The following SYNM variants were observed in gnomAD, a reference collection of about 807,000 sequenced individuals.
SYNM encodes synemin, also known as desmuslin.
SYNM carries 95 observed loss-of-function variants against 104.0 expected under a neutral mutation model. The ratio of observed to expected loss-of-function variants is 0.91; its 90% CI spans 0.77 to 1.08. SYNM has a LOEUF of 1.08. Among genes scored for constraint, SYNM ranks in the 50% least tolerant of loss-of-function variants. SYNM has a pLI of 0.00. For synonymous variants in SYNM, 918 were observed against 869.0 expected, an observed-to-expected ratio of 1.06 and a Z score of -0.99; for missense variants, 2,150 against 2,052.2, an observed-to-expected ratio of 1.05 and a Z score of -0.92.
chr15:99,136,667 G>A (rs551242840), downstream of SYNM: 6 of 152,422 alleles, frequency 3.9e-5, no homozygotes, highest in South Asian at 4.1e-4. Context: ...TTGGGGATTA[G>A]GGCTTCAACG....
intron 3 of SYNM, chr15:99,128,857 CTTG>C (rs2067471173): frequency 6.5e-6 from 1 of 154,870 alleles, no homozygotes; most frequent in Non-Finnish European, 1.4e-5. Flanking sequence ...TTCTTTAATA[CTTG>C]TTGGCCCAAT....
chr15:99,105,843 G>A lies in SYNM; in HGVS notation c.644G>A (p.Arg215His), dbSNP rs1555482617. ...EVRELEEALR[R>H]GQESRLQAEE... The stretch of plus-strand genomic sequence containing the variant: ...CGCGAGCTGGAGGAGGCGCTGCGGC[G>A]CGGCCAGGAGAGCAGACTCCAGGCG... The change falls in exon 1 of 4, where the codon CGC (arginine) becomes CAC (histidine). Residue 215 changes from arginine to histidine, a missense_variant. Coordinates refer to ENST00000336292, the MANE Select transcript of SYNM (RefSeq NM_145728.3). 1.9e-6 allele frequency: 3 copies of A among 1,542,918 alleles called. No homozygotes were observed. The highest frequency in any genetic ancestry group is 2.0e-5 in the Admixed American group (1 of 50,900).
chr15:99,110,276 G>T (rs142209149), intron 1 of SYNM, among the ~76,000 whole-genome samples: 2 of 152,320 alleles, frequency 1.3e-5, no homozygotes, highest in Non-Finnish European at 2.9e-5. Flanking sequence ...AATGCTCAAC[G>T]GCTGGTAGTT....
chr15:99,105,955 G>A lies in SYNM; in HGVS notation c.756G>A (p.Glu252=), dbSNP rs782188060. The A allele has an allele frequency of 2.1e-5, 32 of 1,519,698 alleles. No homozygotes were observed. Among genetic ancestry groups the A allele is most frequent in the Non-Finnish European group, 2.8e-5 (32 of 1,139,888 alleles). The allele number at this position is 1,519,698 out of a possible 1,614,324, so 94.1% of individuals were successfully genotyped here. ...TGGAGCAGCTGCGCGCGCGGCTGGA[G>A]GACGCGCTGCTGCGGATGCGCGAGG... The part of the protein sequence containing the change: ...LGLEQLRARL[E]DALLRMREEY... Residue 252 remains glutamate, a synonymous_variant, in exon 1 of 4, where the codon GAG becomes GAA. Coordinates refer to ENST00000336292, the MANE Select transcript of SYNM (RefSeq NM_145728.3).
chr15:99,141,722 TC>T, the SYNM span, among the ~76,000 whole-genome samples: 1 of 152,202 alleles, frequency 6.6e-6, no homozygotes, highest in Non-Finnish European at 1.5e-5. Context: ...AATGCCTTTG[TC>T]TTTATAAGCT....
chr15:99,121,275 AG>A (rs2067398233), intron 2 of SYNM, among the ~76,000 whole-genome samples: 1 of 151,554 alleles, frequency 6.6e-6, no homozygotes. Flanking sequence ...AGCACTGTGG[AG>A]GGGGTAGGCA....
rs782103989 is a variant in SYNM at position 99,130,854 on chromosome 15, G to C, written c.2494G>C (p.Val832Leu). Reference sequence around the variant, plus strand: ...TTCAGAGGGCGAGCAGAGTTATTTTGTGTCCACTCCAGATGAACACCCCGG... The same window carrying C: ...TTCAGAGGGCGAGCAGAGTTATTTTCTGTCCACTCCAGATGAACACCCCGG... Reference protein sequence around the residue: ...GDSEGEQSYFVSTPDEHPGGH... With the variant: ...GDSEGEQSYFLSTPDEHPGGH... Residue 832 changes from valine (V) to leucine (L), a missense_variant, in exon 4 of 4, where the codon GTG becomes CTG. Physicochemically the swap from Val to Leu is conservative, Grantham distance 32. Transcript: ENST00000336292. The C allele has an allele frequency of 1.1e-5, 17 of 1,613,860 alleles. No homozygotes were observed. The highest frequency in any genetic ancestry group is 1.4e-5 in the Non-Finnish European group (17 of 1,179,898).
At chr15:99,115,697 G>A (rs1301861401) in intron 2 of SYNM, among the ~76,000 whole-genome samples, 9 of 152,042 alleles carry the variant, frequency 5.9e-5, no homozygotes, top group African/African-American at 2.2e-4. Context: ...CCTGACCTCA[G>A]GTGATCCACC....
downstream of SYNM, chr15:99,139,645 A>G: frequency 6.8e-7 from 1 of 1,476,826 alleles, no homozygotes; most frequent in Non-Finnish European, 9.0e-7. Flanking sequence ...TGCAAAAAAT[A>G]GATTTAAAAG....
At chr15:99,114,500 T>C (rs540535204) in intron 2 of SYNM, among the ~76,000 whole-genome samples, 1 of 152,130 alleles carries the variant, frequency 6.6e-6, no homozygotes, top group South Asian at 2.1e-4. Flanking sequence ...GTCTATCTGC[T>C]TGATTGTTGC....
At chr15:99,115,178 C>T (rs2067336003) in intron 2 of SYNM, among the ~76,000 whole-genome samples, 1 of 152,196 alleles carries the variant, frequency 6.6e-6, no homozygotes. Flanking sequence ...GCTCCGTTCC[C>T]AGGATTGTGG....
intron 1 of SYNM, among the ~76,000 whole-genome samples, chr15:99,113,088 T>G (rs901596870): frequency 8.5e-5 from 13 of 152,248 alleles, no homozygotes; most frequent in South Asian, 4.1e-4. Context: ...GATCTTAAAG[T>G]AGCTTTTCTA....
Position 99,130,176 on chromosome 15 carries a change from G to A in SYNM, c.1816G>A (p.Gly606Arg), listed in dbSNP as rs1252091470. ...LQTPVKDAGG[G>R]TGREAEAREL... ...GACGCCTGTGAAGGATGCTGGTGGT[G>A]GGACCGGTAGAGAGGCAGAAGCAAG... The change falls in exon 4 of 4, where the codon GGG becomes AGG. Residue 606 changes from glycine (G) to arginine (R), a missense_variant. Gly to Arg is a moderately radical substitution (Grantham distance 125, BLOSUM62 -2). Transcript: ENST00000336292. 4 of 1,613,786 alleles carry A rather than the reference G, an allele frequency of 2.5e-6. No homozygotes were observed. In the African/African-American group the frequency reaches 5.3e-5, roughly 22 times the overall value.
Position 99,132,199 on chromosome 15 carries a change from C to T in SYNM, c.3839C>T (p.Thr1280Ile). 2 of 1,613,328 alleles carry T rather than the reference C, an allele frequency of 1.2e-6. No individual in the cohort carries two copies. Among genetic ancestry groups the T allele is most frequent in the Non-Finnish European group, 1.7e-6 (2 of 1,179,342 alleles). The change falls in exon 4 of 4, where the codon ACA becomes ATA. Residue 1280 changes from threonine (T) to isoleucine (I), a missense_variant. Thr to Ile is a moderately conservative substitution (Grantham distance 89, BLOSUM62 -1). Coordinates refer to ENST00000336292, the MANE Select transcript of SYNM (RefSeq NM_145728.3). ...KEGFSGQIQF[T>I]APLSDKVELG... Reference sequence around the variant, plus strand: ...GGGTTCAGTGGGCAAATCCAGTTCACAGCTCCACTTTCAGACAAGGTGGAG... The same window carrying T: ...GGGTTCAGTGGGCAAATCCAGTTCATAGCTCCACTTTCAGACAAGGTGGAG...
Position 99,132,356 on chromosome 15 carries a change from A to C in SYNM, c.3996A>C (p.Gln1332His). 6.2e-7 allele frequency: 1 copy of C among 1,613,882 alleles called. No homozygotes were observed. The change falls in exon 4 of 4, where the codon CAA becomes CAC. Residue 1332 changes from glutamine (Q) to histidine (H), a missense_variant. Transcript: ENST00000336292. ...QQIVYHGLVP[Q>H]LGESGDSEST... ...TAGTTTACCATGGGCTGGTTCCCCA[A>C]CTGGGGGAATCTGGTGACTCAGAGA...
In SYNM at chr15:99,105,906, C is replaced by T. The variant is rs1555482660; in HGVS notation, c.707C>T (p.Ala236Val). ...CGGCTGTGCGCGCAGGAGGCAGAGG[C>T]GCTGCGGCGCGAGGCGCTCGGGTTG... ...ETRLCAQEAE[A>V]LRREALGLEQ... The change falls in exon 1 of 4, where the codon GCG becomes GTG. Residue 236 changes from alanine (A) to valine (V), a missense_variant. Physicochemically the swap from Ala to Val is moderately conservative, Grantham distance 64. Coordinates refer to ENST00000336292, the MANE Select transcript of SYNM (RefSeq NM_145728.3). 6.5e-7 allele frequency: 1 copy of T among 1,533,560 alleles called. No individual in the cohort carries two copies. Among genetic ancestry groups the T allele is most frequent in the Non-Finnish European group, 8.7e-7 (1 of 1,144,560 alleles). 95.0% of individuals were successfully genotyped at this position (1,533,560 alleles called of 1,614,324 possible).
Position 99,132,426 on chromosome 15 carries a change from C to A in SYNM, c.4066C>A (p.His1356Asn). 1 of 1,614,018 alleles carries A rather than the reference C, an allele frequency of 6.2e-7. No homozygotes were observed. Among genetic ancestry groups the A allele is most frequent in the East Asian group, 2.2e-5 (1 of 44,884 alleles). The part of the protein sequence containing the change: ...EGSADVHQAT[H>N]SHTSGRQTVM... ...CTCAGCAGATGTGCACCAGGCCACTCACAGTCATACCTCGGGTAGACAAAC... is the reference window on the plus strand; with the variant it reads ...CTCAGCAGATGTGCACCAGGCCACTAACAGTCATACCTCGGGTAGACAAAC... Residue 1356 changes from histidine (H) to asparagine (N), a missense_variant, in exon 4 of 4, where the codon CAC (histidine) becomes AAC (asparagine). His to Asn is a moderately conservative substitution (Grantham distance 68, BLOSUM62 1). Coordinates refer to ENST00000336292, the MANE Select transcript of SYNM (RefSeq NM_145728.3).
chr15:99,132,005 C>T lies in SYNM; in HGVS notation c.3645C>T (p.Asp1215=), dbSNP rs782137265. 4.6e-5 allele frequency: 75 copies of T among 1,613,928 alleles called. No homozygotes were observed. In the South Asian group the frequency reaches 4.8e-4, roughly 10 times the overall value. The change falls in exon 4 of 4, where the codon GAC becomes GAT. Residue 1215 remains aspartate (D), a synonymous_variant. Coordinates refer to ENST00000336292, the MANE Select transcript of SYNM (RefSeq NM_145728.3). ...CAGCAGAGTCTTCTGCAGATATGGA[C>T]GGATCAGGGAGGCACAGCACATTTG... ...PGPAESSADM[D]GSGRHSTFGC...
rs1012093829 is a variant in SYNM, at chr15:99,113,490, C to G, written c.811-101C>G. On this transcript the variant is annotated intron_variant, in intron 1 of 3. Transcript: ENST00000336292. ...GGGTGTTTTTCTGGTCTGCTAATAACCCTGGTCTGTTTTTCAATTCGATCC... is the reference window on the plus strand; with the variant it reads ...GGGTGTTTTTCTGGTCTGCTAATAAGCCTGGTCTGTTTTTCAATTCGATCC... The G allele has an allele frequency of 5.0e-5, 74 of 1,491,258 alleles. No homozygotes were observed. In the African/African-American group the frequency reaches 1.0e-3, roughly 20 times the overall value. The allele number at this position is 1,491,258 out of a possible 1,614,324, so 92.4% of individuals were successfully genotyped here. A position where few individuals can be genotyped will look rare whatever the true frequency, so the allele number is the denominator to read the frequency against.
Sources: allele counts gnomAD v4.1 joint callset (sites outside exome capture counted in the v4.1 genomes callset), GRCh38; gene constraint gnomAD v4.1.1; transcripts MANE v1.5; gene names NCBI Gene and HGNC (gene_info 2026-07-23, HGNC 2026-07-21).